TIMMDC1: variants seen among roughly 807,000 people sequenced by gnomAD.
TIMMDC1 encodes complex I assembly factor TIMMDC1, mitochondrial.
TIMMDC1 carries 25 observed loss-of-function variants against 32.6 expected under a neutral mutation model. The ratio of observed to expected loss-of-function variants is 0.77; its 90% CI spans 0.56 to 1.07. The LOEUF (loss-of-function observed/expected upper bound fraction) is 1.07. Among genes scored for constraint, TIMMDC1 ranks in the 50% least tolerant of loss-of-function variants. The pLI, the probability that TIMMDC1 is intolerant of heterozygous loss-of-function variation, is 0.00. For synonymous variants in TIMMDC1, 130 were observed against 127.6 expected (o/e 1.02, Z -0.13); for missense variants, 329 against 349.2 (o/e 0.94, Z 0.46).
chr3:119,512,827 G>A (rs948215555), intron 4 of TIMMDC1, among the ~76,000 whole-genome samples: 16 of 152,192 alleles, frequency 1.1e-4, no homozygotes, highest in South Asian at 4.1e-4. Flanking sequence ...TGCAGCCTCC[G>A]CCTCTGGGGT....
Position 119,498,939 on chromosome 3 carries a change from T to C in TIMMDC1, c.194+12T>C, listed in dbSNP as rs530923962. 3.6e-5 allele frequency: 58 copies of C among 1,613,422 alleles called. 1 individual carries two copies. The South Asian group carries it at 6.1e-4, about 17-fold the overall frequency. On this transcript the variant is annotated intron_variant, in intron 1 of 6. Transcript: ENST00000494664. ...CTGTTTGGCAAAGAGTAAAAGTGCC[T>C]AGGGTGTGAAGTGGGGTAGGGGGCC...
intron 5 of TIMMDC1, among the ~76,000 whole-genome samples, chr3:119,516,232 T>G (rs2081984617): frequency 6.6e-6 from 1 of 152,192 alleles, no homozygotes; most frequent in African/African-American, 2.4e-5. Flanking sequence ...ACTATATGCA[T>G]TAAAAACTAA....
chr3:119,514,911 C>T (rs1214284890), intron 5 of TIMMDC1, among the ~76,000 whole-genome samples: 3 of 152,076 alleles, frequency 2.0e-5, no homozygotes, highest in Admixed American at 2.0e-4. Context: ...TCCTTGTGGC[C>T]AGGCACAGTG....
intron 5 of TIMMDC1, among the ~76,000 whole-genome samples, chr3:119,514,136 T>C (rs2081971341): frequency 3.1e-5 from 1 of 32,176 alleles, no homozygotes; most frequent in Non-Finnish European, 8.6e-5. Context: ...TAGGATTTTG[T>C]TTGTTTTGCT....
intron 4 of TIMMDC1, among the ~76,000 whole-genome samples, chr3:119,508,026 A>G (rs1345215230): frequency 6.6e-6 from 1 of 151,900 alleles, no homozygotes; most frequent in East Asian, 1.9e-4. Context: ...CTCTGACAAA[A>G]CCCCAATAGT....
chr3:119,513,576 A>G lies in TIMMDC1; in HGVS notation c.518-65A>G, dbSNP rs1027526492. 1.3e-4 allele frequency: 168 copies of G among 1,272,542 alleles called. 2 individuals carry two copies. The South Asian group carries it at 1.9e-3, about 14-fold the overall frequency. The allele number at this position is 1,272,542 out of a possible 1,614,324, so 78.8% of individuals were successfully genotyped here. A position where few individuals can be genotyped will look rare whatever the true frequency, so the allele number is the denominator to read the frequency against. ...TTAGGGATTTCCTTTTTGTAGAAGG[A>G]AAGTTTTAAAATAGGATTCTAGTTT... On this transcript the variant is annotated intron_variant, in intron 4 of 6. Coordinates refer to ENST00000494664, the MANE Select transcript of TIMMDC1 (RefSeq NM_016589.4).
At chr3:119,503,228 T>G (rs533130226) in intron 2 of TIMMDC1, among the ~76,000 whole-genome samples, 4 of 152,194 alleles carry the variant, frequency 2.6e-5, no homozygotes, top group South Asian at 4.1e-4. Context: ...AACCAGTAAG[T>G]GTTAAAAGCG....
At chr3:119,517,717 C>T (rs1251077778) in intron 6 of TIMMDC1, among the ~76,000 whole-genome samples, 2 of 152,162 alleles carry the variant, frequency 1.3e-5, no homozygotes, top group African/African-American at 2.4e-5. Flanking sequence ...CCTGTAATCC[C>T]AGCACTTTGG....
intron 4 of TIMMDC1, among the ~76,000 whole-genome samples, chr3:119,505,347 T>A (rs1438986899): frequency 1.3e-5 from 2 of 152,100 alleles, no homozygotes; most frequent in Non-Finnish European, 2.9e-5. Flanking sequence ...CACATATGTA[T>A]TCTGAACATA....
At position 119,500,836 on chromosome 3, in the gene TIMMDC1, T is replaced by G. The variant is rs747983487; in HGVS notation, c.336T>G (p.Ile112Met). Residue 112 changes from isoleucine to methionine, a missense_variant, in exon 2 of 7, where the codon ATT (isoleucine) becomes ATG (methionine). Coordinates refer to ENST00000494664, the MANE Select transcript of TIMMDC1 (RefSeq NM_016589.4). ...QQYIEQSQAE[I>M]YHNRFDAVQS... Reference sequence around the variant, plus strand: ...ACATTGAGCAGAGCCAGGCAGAAATTTATCATAACCGGTTTGATGCTGTGG... The same window carrying G: ...ACATTGAGCAGAGCCAGGCAGAAATGTATCATAACCGGTTTGATGCTGTGG... The G allele has an allele frequency of 3.1e-6, 5 of 1,613,954 alleles. No individual in the cohort carries two copies. The highest frequency in any genetic ancestry group is 4.2e-6 in the Non-Finnish European group (5 of 1,179,898).
At chr3:119,522,416 C>T (rs1035197111) in intron 6 of TIMMDC1, among the ~76,000 whole-genome samples, 5 of 151,172 alleles carry the variant, frequency 3.3e-5, no homozygotes, top group African/African-American at 1.2e-4. Flanking sequence ...CAGGGAAAGG[C>T]ATAAGAAGAG....
chr3:119,517,170 G>A (rs4461452), intron 5 of TIMMDC1, 35 bp from the exon 6 acceptor site: 8 of 1,442,822 alleles, frequency 5.5e-6, no homozygotes, highest in Admixed American at 1.7e-5. Context: ...CTAATGACTC[G>A]TTTTTCCTAA....
At chr3:119,511,400 C>G (rs1156477114) in intron 4 of TIMMDC1, among the ~76,000 whole-genome samples, 2 of 151,788 alleles carry the variant, frequency 1.3e-5, no homozygotes, top group Admixed American at 6.6e-5. Flanking sequence ...TAGCTTGAAC[C>G]CGGGAGGCAG....
chr3:119,513,134 C>T (rs976293924), intron 4 of TIMMDC1, among the ~76,000 whole-genome samples: 6 of 152,166 alleles, frequency 3.9e-5, no homozygotes, highest in African/African-American at 1.4e-4. Flanking sequence ...GATTGATGCA[C>T]AGTCCCAGCA....
Position 119,523,878 on chromosome 3 carries a change from G to A in TIMMDC1, c.*122G>A. ...AAATTTAAGTGCTGGTACCTGTGGT[G>A]GCAGTGGCTTGCTCTTGTCTTTTTC... is the stretch of plus-strand genomic sequence containing the variant. On this transcript the variant is annotated 3_prime_UTR_variant, in exon 7 of 7. Transcript: ENST00000494664. The A allele has an allele frequency of 1.0e-6, 1 of 975,802 alleles. No homozygotes were observed. The highest frequency in any genetic ancestry group is 1.5e-6 in the Non-Finnish European group (1 of 681,626). The allele number at this position is 975,802 out of a possible 1,614,324, so 60.4% of individuals were successfully genotyped here.
At chr3:119,509,583 T>C (rs2081939927) in intron 4 of TIMMDC1, among the ~76,000 whole-genome samples, 1 of 152,140 alleles carries the variant, frequency 6.6e-6, no homozygotes, top group Non-Finnish European at 1.5e-5. Flanking sequence ...GAGGTGAGAT[T>C]GGGAACCAGG....
rs1215939028 is a variant in TIMMDC1 at position 119,523,856 on chromosome 3, T to A, written c.*100T>A. ...ACTCTTTGGTCAGCCTGCTGACAAATTTAAGTGCTGGTACCTGTGGTGGCA... is the reference window on the plus strand; with the variant it reads ...ACTCTTTGGTCAGCCTGCTGACAAAATTAAGTGCTGGTACCTGTGGTGGCA... On this transcript the variant is annotated 3_prime_UTR_variant, in exon 7 of 7. Coordinates refer to ENST00000494664, the MANE Select transcript of TIMMDC1 (RefSeq NM_016589.4). The A allele has an allele frequency of 7.9e-7, 1 of 1,269,970 alleles. No homozygotes were observed. The highest frequency in any genetic ancestry group is 1.5e-5 in the African/African-American group (1 of 66,716). 78.7% of individuals were successfully genotyped at this position (1,269,970 alleles called of 1,614,324 possible).
Position 119,503,602 on chromosome 3 carries a change from T to C in TIMMDC1, c.431T>C (p.Val144Ala). Residue 144 changes from valine (V) to alanine (A), a missense_variant, in exon 3 of 7, where the codon GTG becomes GCG. Physicochemically the swap from Val to Ala is moderately conservative, Grantham distance 64. Coordinates refer to ENST00000494664, the MANE Select transcript of TIMMDC1 (RefSeq NM_016589.4). ...TGGCGCTGGGGTTGGAGAACTGCAG[T>C]GTTTGTGACTATATTCAAGTAAGTT... ...YGWRWGWRTA[V>A]FVTIFNTVNT... The C allele has an allele frequency of 5.0e-6, 8 of 1,610,462 alleles. No homozygotes were observed. In the South Asian group the frequency reaches 8.9e-5, roughly 18 times the overall value.
At position 119,498,770 on chromosome 3, in the gene TIMMDC1, T is replaced by A; in HGVS notation, c.37T>A (p.Cys13Ser). ...GCCACCGGCACCGCGGAGCTTTCTC[T>A]GTAGAGCATTGTGCCTATTTCCCCG... ...VPPPAPRSFL[C>S]RALCLFPRVF... The change falls in exon 1 of 7, where the codon TGT (cysteine) becomes AGT (serine). Residue 13 changes from cysteine to serine, a missense_variant. Transcript: ENST00000494664. 2 of 1,614,254 alleles carry A rather than the reference T, an allele frequency of 1.2e-6. No homozygotes were observed. Among genetic ancestry groups the A allele is most frequent in the Non-Finnish European group, 1.7e-6 (2 of 1,180,030 alleles).
Sources: allele counts gnomAD v4.1 joint callset (sites outside exome capture counted in the v4.1 genomes callset), GRCh38; gene constraint gnomAD v4.1.1; transcripts MANE v1.5; gene names NCBI Gene and HGNC (gene_info 2026-07-23, HGNC 2026-07-21).